The following PAX2 variants were observed in gnomAD, a reference collection of about 807,000 sequenced individuals.
PAX2 encodes the protein paired box protein Pax-2.
PAX2 carries 9 observed loss-of-function variants against 41.7 expected under a neutral mutation model. The ratio of observed to expected loss-of-function variants is 0.22; its 90% CI spans 0.13 to 0.38. The LOEUF is 0.38. Ranked by LOEUF, PAX2 falls within the 10% of genes least tolerant of loss-of-function variation. The pLI, the probability that PAX2 is intolerant of heterozygous loss-of-function variation, is 1.00. For synonymous variants in PAX2, 221 were observed against 212.7 expected (o/e 1.04, Z -0.34); for missense variants, 418 against 531.6 (o/e 0.79, Z 2.10).
At chr10:100,798,104 CTTTTTTTTTT>C (rs11314855) in intron 5 of PAX2, among the ~76,000 whole-genome samples, 5 of 86,536 alleles carry the variant, frequency 5.8e-5, no homozygotes, top group African/African-American at 2.2e-4. Flanking sequence ...ATGTCCACCT[CTTTTTTTTTT>C]TTTTTTTTTT....
chr10:100,813,205 G>A (rs1229071147), intron 7 of PAX2, among the ~76,000 whole-genome samples: 1 of 152,208 alleles, frequency 6.6e-6, no homozygotes, highest in Non-Finnish European at 1.5e-5. Flanking sequence ...AGGCTTCACT[G>A]GCCTCTAGTG....
intron 5 of PAX2, among the ~76,000 whole-genome samples, chr10:100,788,591 G>A (rs1383933303): frequency 2.0e-5 from 3 of 152,250 alleles, no homozygotes; most frequent in Non-Finnish European, 4.4e-5. Flanking sequence ...GCAGAGGAAG[G>A]AGACAGGGCC....
chr10:100,762,976 G>T (rs970747429), intron 3 of PAX2, among the ~76,000 whole-genome samples: 1 of 152,162 alleles, frequency 6.6e-6, no homozygotes, highest in Non-Finnish European at 1.5e-5. Context: ...GTAGGCAGTC[G>T]AGGATACAGC....
intron 3 of PAX2, among the ~76,000 whole-genome samples, chr10:100,756,183 C>T (rs1845620194): frequency 6.6e-6 from 1 of 152,098 alleles, no homozygotes. Flanking sequence ...CTCCATACCC[C>T]CTAAAACCCC....
At chr10:100,738,328 T>C (rs907775106) in intron 1 of PAX2, among the ~76,000 whole-genome samples, 7 of 152,318 alleles carry the variant, frequency 4.6e-5, no homozygotes, top group Admixed American at 2.6e-4. Context: ...GCGGCCCCGC[T>C]GGAAGAGGCT....
chr10:100,757,369 C>T (rs1469988630), intron 3 of PAX2, among the ~76,000 whole-genome samples: 1 of 152,224 alleles, frequency 6.6e-6, no homozygotes, highest in Non-Finnish European at 1.5e-5. Flanking sequence ...GAAGATTCCT[C>T]ATTTCACAGT....
In PAX2 at chr10:100,745,798, G is replaced by T. The variant is rs1320916922; in HGVS notation, c.-463G>T. 3 of 1,069,462 alleles carry T rather than the reference G, an allele frequency of 2.8e-6. No homozygotes were observed. The highest frequency in any genetic ancestry group is 3.3e-5 in the African/African-American group (2 of 60,474). The allele number at this position is 1,069,462 out of a possible 1,614,324, so 66.2% of individuals were successfully genotyped here. On this transcript the variant is annotated 5_prime_UTR_variant, in exon 1 of 10. Transcript: ENST00000355243. ...ACTTCTCTGCCAACTTCGCCAACTCGCCAGCACTTGGAGAGGCCCGGCTCC... is the reference window on the plus strand; with the variant it reads ...ACTTCTCTGCCAACTTCGCCAACTCTCCAGCACTTGGAGAGGCCCGGCTCC...
rs1049657850 is a variant in PAX2, at chr10:100,824,831, G to T, written c.1021+82G>T. ...AGCTGCTGAATGGTCTGTAGTCTGAGGCTGGGGTGGGGGGAGACACAACGT... is the reference window on the plus strand; with the variant it reads ...AGCTGCTGAATGGTCTGTAGTCTGATGCTGGGGTGGGGGGAGACACAACGT... On this transcript the variant is annotated intron_variant, in intron 8 of 9. Transcript: ENST00000355243. This position sits in a 1 kb window ranked among gnomAD's most constrained non-coding sequence, Gnocchi z 6.6. 4.6e-6 allele frequency: 7 copies of T among 1,512,204 alleles called. No homozygotes were observed. The African/African-American group carries it at 6.9e-5, about 15-fold the overall frequency. The allele number at this position is 1,512,204 out of a possible 1,614,324, so 93.7% of individuals were successfully genotyped here.
chr10:100,775,743 A>C (rs2133886652), intron 3 of PAX2, among the ~76,000 whole-genome samples: 1 of 152,304 alleles, frequency 6.6e-6, no homozygotes, highest in Non-Finnish European at 1.5e-5. Flanking sequence ...AGCTCACAGA[A>C]GCTGTTGCTG....
intron 7 of PAX2, among the ~76,000 whole-genome samples, chr10:100,817,284 C>T (rs1490148041): frequency 1.3e-5 from 2 of 152,338 alleles, no homozygotes; most frequent in East Asian, 3.9e-4. Context: ...CCTCAGTTTC[C>T]TCCTCCGTAA....
intron 3 of PAX2, among the ~76,000 whole-genome samples, chr10:100,765,208 A>G (rs1845978439): frequency 6.6e-6 from 1 of 152,208 alleles, no homozygotes; most frequent in Non-Finnish European, 1.5e-5. Flanking sequence ...ACAACTGCAA[A>G]TTCTATTTAT....
chr10:100,787,635 C>T (rs1846923120), intron 5 of PAX2, among the ~76,000 whole-genome samples: 1 of 152,050 alleles, frequency 6.6e-6, no homozygotes, highest in East Asian at 1.9e-4. Flanking sequence ...GGCAGGGCCT[C>T]GGTATCAGCC....
exon 1 of PAX2, chr10:100,735,488 G>C (rs1168027589): frequency 4.1e-6 from 1 of 243,964 alleles, no homozygotes; most frequent in Non-Finnish European, 7.8e-6. Context: ...GCTCCTCGGG[G>C]TGCCGGAGCC....
At chr10:100,749,457 C>A in intron 1 of PAX2, 1 of 1,267,118 alleles carries the variant, frequency 7.9e-7, no homozygotes. Flanking sequence ...CTCCCCTCTC[C>A]CCTCTTTTCT....
At chr10:100,744,003 C>T (rs990671981), upstream of PAX2, among the ~76,000 whole-genome samples, 2 of 152,204 alleles carry the variant, frequency 1.3e-5, no homozygotes, top group Non-Finnish European at 2.9e-5. Context: ...CGGACCCAGG[C>T]CCCACAGGAG....
intron 1 of PAX2, chr10:100,747,786 G>T: frequency 1.0e-6 from 1 of 985,050 alleles, no homozygotes; most frequent in Non-Finnish European, 1.2e-6. Context: ...GGGCCGGAAA[G>T]CCTCGGTCCT....
In PAX2 at chr10:100,748,301, G is replaced by A. The variant is rs1313415481; in HGVS notation, c.44-1445G>A. ...GGGGTTTGGAGGGAGGGGAGGGTGA[G>A]AAGTGGGGCTAGAGATAGGGAGATT... On this transcript the variant is annotated intron_variant, in intron 1 of 9. Transcript: ENST00000355243. This position sits in a 1 kb window ranked among gnomAD's most constrained non-coding sequence, Gnocchi z 5.0. 2 of 984,636 alleles carry A rather than the reference G, an allele frequency of 2.0e-6. No homozygotes were observed. Among genetic ancestry groups the A allele is most frequent in the Non-Finnish European group, 2.4e-6 (2 of 829,488 alleles). 61.0% of individuals were successfully genotyped at this position (984,636 alleles called of 1,614,324 possible).
At chr10:100,785,991 T>C (rs548944343) in intron 5 of PAX2, among the ~76,000 whole-genome samples, 11 of 152,248 alleles carry the variant, frequency 7.2e-5, no homozygotes, top group African/African-American at 2.6e-4. Flanking sequence ...TTCCATGAGG[T>C]CGTGAATTTA....
rs1194256823 is a variant in PAX2 at position 100,828,327 on chromosome 10, C to A, written c.*708C>A. The A allele has an allele frequency of 4.3e-6, 1 of 232,696 alleles. No homozygotes were observed. The highest frequency in any genetic ancestry group is 2.2e-5 in the African/African-American group (1 of 45,258). 14.4% of individuals were successfully genotyped at this position (232,696 alleles called of 1,614,324 possible). ...ACCCAAGGATCGGGGGGCCCAGCAG[C>A]CCGCACCGATCGAGCCGGACTCTCG... On this transcript the variant is annotated 3_prime_UTR_variant, in exon 10 of 10. Transcript: ENST00000355243. This position sits in a 1 kb window ranked among gnomAD's most constrained non-coding sequence, Gnocchi z 6.5.
Sources: allele counts gnomAD v4.1 joint callset (sites outside exome capture counted in the v4.1 genomes callset), GRCh38; gene constraint gnomAD v4.1.1; non-coding constraint Gnocchi (gnomAD v3.1); transcripts MANE v1.5; gene names NCBI Gene and HGNC (gene_info 2026-07-23, HGNC 2026-07-21).